ABCC10: variants seen among roughly 807,000 people sequenced by gnomAD.
ABCC10 encodes ATP binding cassette subfamily C member 10.
A neutral mutation model predicts 143.2 loss-of-function variants in ABCC10; 110 were observed. The ratio of observed to expected loss-of-function variants is 0.77; its 90% CI spans 0.66 to 0.90. The LOEUF is 0.90. Ranked by LOEUF, ABCC10 falls within the 40% of genes least tolerant of loss-of-function variation. The pLI, the probability that ABCC10 is intolerant of heterozygous loss-of-function variation, is 0.00. For missense variants in ABCC10, 1,700 were observed against 1,900.5 expected, an observed-to-expected ratio of 0.89 and a Z score of 1.96; for synonymous variants, 805 against 846.7, an observed-to-expected ratio of 0.95 and a Z score of 0.85.
rs766158740 is a variant in ABCC10 at position 43,438,713 on chromosome 6, A to G, written c.2045A>G (p.Asp682Gly). ...EPWIQFATIR[D>G]NILFGKTFDA... is the part of the protein sequence containing the mutation. ...TGGATCCAGTTTGCCACCATCCGAG[A>G]CAACATCCTCTTTGGGAAGACATTT... Residue 682 changes from aspartate to glycine, a missense_variant, in exon 8 of 22, where the codon GAC becomes GGC. Physicochemically the swap from Asp to Gly is moderately conservative, Grantham distance 94 (BLOSUM62 -1). Transcript: ENST00000372530. 3 of 1,614,230 alleles carry G rather than the reference A, an allele frequency of 1.9e-6. No individual in the cohort carries two copies. Among genetic ancestry groups the G allele is most frequent in the Non-Finnish European group, 2.5e-6 (3 of 1,180,050 alleles).
rs762118770 is a variant in ABCC10 at position 43,432,637 on chromosome 6, T to C, written c.657T>C (p.Ser219=). The stretch of plus-strand genomic sequence containing the variant: ...CTGAGGTGGCTGAAGATGGGGAGAG[T>C]TGGCTGTCACGCTTTTCCTATGCCT... ...QEPEVAEDGE[S]WLSRFSYAWL... Residue 219 remains serine, a synonymous_variant, in exon 3 of 22, where the codon AGT becomes AGC. Coordinates refer to ENST00000372530, the MANE Select transcript of ABCC10 (RefSeq NM_001198934.2). The C allele has an allele frequency of 6.2e-7, 1 of 1,613,452 alleles. No homozygotes were observed.
At position 43,443,185 on chromosome 6, in the gene ABCC10, A is replaced by G; in HGVS notation, c.2416+26A>G. On this transcript the variant is annotated intron_variant, in intron 10 of 21. Transcript: ENST00000372530. This position sits in a 1 kb window ranked among gnomAD's most constrained non-coding sequence, Gnocchi z 4.2. ...GTAATGGGGGCAGGAGCCCCGTGTG[A>G]GGGAGGTGTCTGCCCAGGTCTGGCA... 1 of 1,561,068 alleles carries G rather than the reference A, an allele frequency of 6.4e-7. No homozygotes were observed. The highest frequency in any genetic ancestry group is 8.6e-7 in the Non-Finnish European group (1 of 1,160,542).
At chr6:43,430,925 T>A (rs966207602) in intron 2 of ABCC10, 1 of 152,120 alleles carries the variant, frequency 6.6e-6, no homozygotes, top group African/African-American at 2.4e-5. Context: ...GGTTTTACCA[T>A]GTTGGCCAGG....
chr6:43,438,900 G>A (rs2127394736), intron 8 of ABCC10, 105 bp downstream of exon 8: 1 of 1,375,674 alleles, frequency 7.3e-7, no homozygotes, highest in South Asian at 1.3e-5. Flanking sequence ...TTCTACTCGG[G>A]CATCACTTAT....
At position 43,443,043 on chromosome 6, in the gene ABCC10, G is replaced by A. The variant is rs1224381950; in HGVS notation, c.2300G>A (p.Arg767Lys). 6.8e-6 allele frequency: 11 copies of A among 1,613,300 alleles called. No homozygotes were observed. Among genetic ancestry groups the A allele is most frequent in the Non-Finnish European group, 5.9e-6 (7 of 1,179,922 alleles). ...DADVANHLLH[R>K]CILGMLSYTT... ...GATGTGGCCAACCACCTGCTGCACAGGTGCATCCTGGGCATGCTGAGCTAC... is the reference window on the plus strand; with the variant it reads ...GATGTGGCCAACCACCTGCTGCACAAGTGCATCCTGGGCATGCTGAGCTAC... The change falls in exon 10 of 22, where the codon AGG (arginine) becomes AAG (lysine). Residue 767 changes from arginine to lysine, a missense_variant. Arg to Lys is a conservative substitution (Grantham distance 26). Coordinates refer to ENST00000372530, the MANE Select transcript of ABCC10 (RefSeq NM_001198934.2). The surrounding 1 kb of genome is among the most constrained non-coding windows in gnomAD (Gnocchi z 4.2).
In ABCC10 at chr6:43,447,002, C is replaced by G. The variant is rs1038018371; in HGVS notation, c.3545-246C>G. The stretch of plus-strand genomic sequence containing the variant: ...AGCTGGGATTACAGGCGCCTGCCAC[C>G]ACGCCCAGCTAATTTTTGTATTTTT... On this transcript the variant is annotated intron_variant, in intron 16 of 21. Coordinates refer to ENST00000372530, the MANE Select transcript of ABCC10 (RefSeq NM_001198934.2). The G allele has an allele frequency of 7.3e-6, 5 of 682,916 alleles. No individual in the cohort carries two copies. In the African/African-American group the frequency reaches 9.5e-5, roughly 13 times the overall value. The allele number at this position is 682,916 out of a possible 1,614,324, so 42.3% of individuals were successfully genotyped here.
In ABCC10 at chr6:43,443,773, G is replaced by T; in HGVS notation, c.2417-160G>T. The T allele has an allele frequency of 1.4e-6, 1 of 700,912 alleles. No homozygotes were observed. The allele number at this position is 700,912 out of a possible 1,614,324, so 43.4% of individuals were successfully genotyped here. A position where few individuals can be genotyped will look rare whatever the true frequency, so the allele number is the denominator to read the frequency against. ...TATCCAGAGCAGGGTGGGTTAGAGA[G>T]GGAGGCCTAAGAGTCCTGCTCGAGG... On this transcript the variant is annotated intron_variant, in intron 10 of 21. Coordinates refer to ENST00000372530, the MANE Select transcript of ABCC10 (RefSeq NM_001198934.2). This position sits in a 1 kb window ranked among gnomAD's most constrained non-coding sequence, Gnocchi z 4.2.
At chr6:43,428,253 G>A (rs1157900340) in intron 2 of ABCC10, 114 bp downstream of exon 2, 2 of 1,245,746 alleles carry the variant, frequency 1.6e-6, no homozygotes, top group East Asian at 2.6e-5. Context: ...TAGGGCAGAA[G>A]TAGAATAAAA....
downstream of ABCC10, chr6:43,451,355 C>A: frequency 6.6e-7 from 1 of 1,505,300 alleles, no homozygotes. This position sits in a 1 kb window ranked among gnomAD's most constrained non-coding sequence, Gnocchi z 4.4. Context: ...CTGACCACTG[C>A]CCGCCATGTC....
At chr6:43,447,547 T>C in intron 17 of ABCC10, 137 bp from the exon 18 acceptor site, 3 of 1,552,964 alleles carry the variant, frequency 1.9e-6, no homozygotes, top group East Asian at 2.3e-5. Flanking sequence ...TTCTTCACCA[T>C]GTCCCTTCTT....
rs376374808 is a variant in ABCC10 at position 43,442,980 on chromosome 6, T to C, written c.2237T>C (p.Leu746Pro). 3.3e-5 allele frequency: 53 copies of C among 1,591,542 alleles called. No homozygotes were observed. Among genetic ancestry groups the C allele is most frequent in the East Asian group, 2.9e-4 (13 of 44,622 alleles). Reference protein sequence around the residue: ...LARAVYQEKELYLLDDPLAAV... With the variant: ...LARAVYQEKEPYLLDDPLAAV... ...CTCACGTCTCCATAGGAAAAGGAGCTCTATCTCCTCGATGACCCTCTGGCC... is the reference window on the plus strand; with the variant it reads ...CTCACGTCTCCATAGGAAAAGGAGCCCTATCTCCTCGATGACCCTCTGGCC... The change falls in exon 10 of 22, where the codon CTC becomes CCC. Residue 746 changes from leucine to proline, a missense_variant. Leu to Pro is a moderately conservative substitution (Grantham distance 98). Coordinates refer to ENST00000372530, the MANE Select transcript of ABCC10 (RefSeq NM_001198934.2).
Position 43,435,828 on chromosome 6 carries a change from G to A in ABCC10, c.1686G>A (p.Leu562=). The A allele has an allele frequency of 1.2e-6, 2 of 1,614,180 alleles. No individual in the cohort carries two copies. The highest frequency in any genetic ancestry group is 1.6e-4 in the Middle Eastern group (1 of 6,062). Residue 562 remains leucine, a synonymous_variant, in exon 5 of 22, where the codon CTG becomes CTA. Transcript: ENST00000372530. The stretch of plus-strand genomic sequence containing the variant: ...TCCCTTGGGTGATCAATGGTCTCCT[G>A]GAGGCCAAAGTGTCCTTGGACCGGA... ...NNFPWVINGL[L]EAKVSLDRIQ...
At chr6:43,436,294 G>A in intron 6 of ABCC10, 47 bp downstream of exon 6, 2 of 1,589,586 alleles carry the variant, frequency 1.3e-6, no homozygotes, top group Non-Finnish European at 1.7e-6. Context: ...TAACGAGAGA[G>A]ATGGGAACTC....
intron 8 of ABCC10, 62 bp downstream of exon 8, chr6:43,438,857 A>G: frequency 6.4e-7 from 1 of 1,573,294 alleles, no homozygotes; most frequent in Middle Eastern, 1.7e-4. Flanking sequence ...GACACCTCAA[A>G]CCAGGAGCTT....
chr6:43,439,303 A>C (rs952973359), intron 8 of ABCC10, among the ~76,000 whole-genome samples: 27 of 152,104 alleles, frequency 1.8e-4, no homozygotes, highest in Admixed American at 1.8e-3. Flanking sequence ...TACCCTACCC[A>C]GGTAAATGTG....
rs1366513172 is a variant in ABCC10, at chr6:43,445,106, C to T, written c.2841-19C>T. ...TGGCCCTAGTTTTGGTTACCGACAG[C>T]CCCCTCCTCACCACCCAGCATCCCA... On this transcript the variant is annotated intron_variant, in intron 13 of 21. Transcript: ENST00000372530. The T allele has an allele frequency of 6.2e-7, 1 of 1,612,702 alleles. No individual in the cohort carries two copies. The highest frequency in any genetic ancestry group is 8.5e-7 in the Non-Finnish European group (1 of 1,178,970).
intron 2 of ABCC10, among the ~76,000 whole-genome samples, chr6:43,430,432 A>G (rs1781002382): frequency 6.6e-6 from 1 of 152,024 alleles, no homozygotes; most frequent in African/African-American, 2.4e-5. Flanking sequence ...ATTCCCATCT[A>G]AATCCCTACA....
chr6:43,451,149 C>T (rs1454391921), downstream of ABCC10: 8 of 1,614,078 alleles, frequency 5.0e-6, no homozygotes, highest in Admixed American at 1.7e-5. This position sits in a 1 kb window ranked among gnomAD's most constrained non-coding sequence, Gnocchi z 4.4. Context: ...AGCACAAGGC[C>T]GCATCAGGCA....
intron 15 of ABCC10, 120 bp from the exon 16 acceptor site, chr6:43,446,157 G>C: frequency 7.8e-7 from 1 of 1,288,484 alleles, no homozygotes; most frequent in Non-Finnish European, 1.1e-6. Flanking sequence ...GAGGCCTGTG[G>C]GTATACAGAC....
Sources: allele counts gnomAD v4.1 joint callset (sites outside exome capture counted in the v4.1 genomes callset), GRCh38; gene constraint gnomAD v4.1.1; non-coding constraint Gnocchi (gnomAD v3.1); transcripts MANE v1.5; gene names NCBI Gene and HGNC (gene_info 2026-07-23, HGNC 2026-07-21).